Variants in SNX24 observed in about 807,000 individuals in gnomAD.
SNX24 encodes sorting nexin 24, also known as sorting nexin-24.
Under a neutral mutation model 28.7 loss-of-function variants are expected in SNX24, and 22 were observed. The ratio of observed to expected loss-of-function variants is 0.77; its 90% CI spans 0.55 to 1.10. SNX24 has a LOEUF of 1.10. Among genes scored for constraint, SNX24 ranks in the 50% least tolerant of loss-of-function variants. The pLI, the probability that SNX24 is intolerant of heterozygous loss-of-function variation, is 0.00. For synonymous variants in SNX24, 69 were observed against 71.5 expected (o/e 0.96, Z 0.18); for missense variants, 221 against 201.1 (o/e 1.10, Z -0.60).
chr5:122,848,580 G>T (rs1202640996), intron 1 of SNX24, among the ~76,000 whole-genome samples: 1 of 151,858 alleles, frequency 6.6e-6, no homozygotes, highest in Non-Finnish European at 1.5e-5. Context: ...GTGGTGGCGG[G>T]CGCGGGTAAT....
At chr5:122,871,701 C>T (rs1308684069) in intron 1 of SNX24, among the ~76,000 whole-genome samples, 2 of 151,996 alleles carry the variant, frequency 1.3e-5, no homozygotes, top group African/African-American at 2.4e-5. Flanking sequence ...ACGTGGGAGG[C>T]GGAGGTTGCA....
At chr5:122,885,558 A>AATTTGGGGT (rs1756671601) in intron 1 of SNX24, among the ~76,000 whole-genome samples, 1 of 151,320 alleles carries the variant, frequency 6.6e-6, no homozygotes, top group African/African-American at 2.4e-5. Context: ...TATATCTCTA[A>AATTTGGGGT]GGAATTTGGG....
intron 3 of SNX24, among the ~76,000 whole-genome samples, chr5:122,957,361 A>T (rs970613681): frequency 1.3e-5 from 2 of 152,188 alleles, no homozygotes; most frequent in African/African-American, 4.8e-5. Context: ...TGTTTATGCC[A>T]TTACATTGGT....
At chr5:122,857,124 G>A (rs1048772511) in intron 1 of SNX24, among the ~76,000 whole-genome samples, 4 of 151,768 alleles carry the variant, frequency 2.6e-5, no homozygotes, top group South Asian at 2.1e-4. Flanking sequence ...CAATGCTCCC[G>A]CCTCAGCCTC....
At chr5:122,959,160 A>G (rs910298334) in intron 3 of SNX24, among the ~76,000 whole-genome samples, 1 of 152,068 alleles carries the variant, frequency 6.6e-6, no homozygotes, top group Non-Finnish European at 1.5e-5. Flanking sequence ...TAGATTAAAT[A>G]TCCTACTAGT....
chr5:122,913,313 C>T (rs1757979649), intron 1 of SNX24, among the ~76,000 whole-genome samples: 1 of 151,712 alleles, frequency 6.6e-6, no homozygotes, highest in African/African-American at 2.4e-5. Context: ...CCCCCCACCT[C>T]CCTCCCAGAC....
intron 2 of SNX24, among the ~76,000 whole-genome samples, chr5:122,939,260 T>C (rs1163812978): frequency 2.6e-5 from 4 of 152,246 alleles, no homozygotes; most frequent in African/African-American, 7.2e-5. Flanking sequence ...TCTCTTGAAA[T>C]ATTTAACTAT....
At chr5:122,879,686 T>C (rs1253258587) in intron 1 of SNX24, among the ~76,000 whole-genome samples, 1 of 152,172 alleles carries the variant, frequency 6.6e-6, no homozygotes, top group African/African-American at 2.4e-5. Context: ...TATGTATGTA[T>C]GTATGTATGT....
rs148247795 is a variant in SNX24, at chr5:122,907,433, C to T, written c.61-29301C>T. The stretch of plus-strand genomic sequence containing the variant: ...TTAAGGAGTAGAGATAAAAGCCAGA[C>T]GGCCCTCAGGGTAAAGTTTTAGCAT... On this transcript the variant is annotated intron_variant, in intron 1 of 6. Transcript: ENST00000261369. 2.2e-3 allele frequency among the ~76,000 whole-genome samples: 329 copies of T among 152,258 alleles called. 1 individual carries two copies. Among genetic ancestry groups the T allele is most frequent in the African/African-American group, 7.7e-3 (321 of 41,550 alleles).
chr5:122,917,369 T>C (rs965803581), intron 1 of SNX24, among the ~76,000 whole-genome samples: 1 of 152,202 alleles, frequency 6.6e-6, no homozygotes, highest in Non-Finnish European at 1.5e-5. Context: ...TGGAAAATAC[T>C]CTATCTCATT....
intron 1 of SNX24, among the ~76,000 whole-genome samples, chr5:122,859,978 A>C (rs1433782562): frequency 6.6e-6 from 1 of 152,214 alleles, no homozygotes; most frequent in Non-Finnish European, 1.5e-5. Flanking sequence ...AGTTCTTTTG[A>C]AGTCTAATAG....
intron 1 of SNX24, among the ~76,000 whole-genome samples, chr5:122,914,933 A>T (rs1184581405): frequency 6.6e-6 from 1 of 152,124 alleles, no homozygotes; most frequent in Non-Finnish European, 1.5e-5. Context: ...TATGGGTTGG[A>T]TGATGCCTGA....
chr5:122,971,492 C>G (rs1336093280), intron 3 of SNX24, among the ~76,000 whole-genome samples: 1 of 152,168 alleles, frequency 6.6e-6, no homozygotes, highest in East Asian at 1.9e-4. Context: ...TACACATCTC[C>G]TGAAATCATA....
At chr5:122,951,924 A>G (rs1759960750) in intron 3 of SNX24, among the ~76,000 whole-genome samples, 1 of 152,250 alleles carries the variant, frequency 6.6e-6, no homozygotes, top group South Asian at 2.1e-4. Context: ...TTCAGGGCAC[A>G]GGTTGAGTGT....
At chr5:123,023,945 T>C (rs451195) in intron 5 of SNX24, 481,267 of 1,613,562 alleles carry the variant, frequency 0.3, 78,499 homozygotes, top group Non-Finnish European at 0.34. Context: ...GATCGAGCAG[T>C]TGGTGAGTGG....
Position 122,854,571 on chromosome 5 carries a change from A to G in SNX24, c.60+8878A>G, listed in dbSNP as rs115527195. On this transcript the variant is annotated intron_variant, in intron 1 of 6. Coordinates refer to ENST00000261369, the MANE Select transcript of SNX24 (RefSeq NM_014035.4). ...GTTACTTATGTAAAAAAAAAATCTTATGGCTTATCCTTCCATTGAAAAAAA... is the reference window on the plus strand; with the variant it reads ...GTTACTTATGTAAAAAAAAAATCTTGTGGCTTATCCTTCCATTGAAAAAAA... Among the ~76,000 whole-genome samples, 1,246 of 151,942 alleles carry G rather than the reference A, an allele frequency of 8.2e-3. 17 individuals are homozygous for G. The highest frequency in any genetic ancestry group is 0.028 in the African/African-American group (1,181 of 41,464).
intron 3 of SNX24, among the ~76,000 whole-genome samples, chr5:122,950,314 GTA>G (rs1008493351): frequency 6.6e-6 from 1 of 152,228 alleles, no homozygotes; most frequent in African/African-American, 2.4e-5. Context: ...AATAAAGGTT[GTA>G]TGTGTGTGTG....
intron 5 of SNX24, among the ~76,000 whole-genome samples, chr5:123,015,532 C>T (rs949596453): frequency 1.3e-5 from 2 of 152,116 alleles, no homozygotes; most frequent in African/African-American, 4.8e-5. Context: ...CACCCCAGGA[C>T]AGTGGTTTTC....
intron 5 of SNX24, among the ~76,000 whole-genome samples, chr5:123,019,428 T>C (rs945486637): frequency 7.9e-5 from 12 of 152,208 alleles, no homozygotes; most frequent in Admixed American, 6.5e-4. Context: ...CCTTGCCATG[T>C]TTTTGTCTTT....
Sources: allele counts gnomAD v4.1 joint callset (sites outside exome capture counted in the v4.1 genomes callset), GRCh38; gene constraint gnomAD v4.1.1; transcripts MANE v1.5; gene names NCBI Gene and HGNC (gene_info 2026-07-23, HGNC 2026-07-21).